Variants in TPTE2 observed in about 807,000 individuals in gnomAD.
TPTE2 encodes the protein transmembrane phosphoinositide 3-phosphatase and tensin homolog 2, also known as phosphatidylinositol 3,4,5-trisphosphate 3-phosphatase TPTE2.
In TPTE2, 53 loss-of-function variants were observed where a neutral mutation model predicts 78.6. The observed-to-expected ratio is 0.67, with a 90% CI of 0.54 to 0.85. The LOEUF (loss-of-function observed/expected upper bound fraction) is 0.85. Ranked by LOEUF, TPTE2 falls within the 40% of genes least tolerant of loss-of-function variation. The probability of loss-of-function intolerance (pLI) is 0.00; values close to 1 mark genes in which losing one functional copy is unlikely to be tolerated. For missense variants in TPTE2, 461 were observed against 623.0 expected, an observed-to-expected ratio of 0.74 and a Z score of 2.77; for synonymous variants, 175 against 206.2, an observed-to-expected ratio of 0.85 and a Z score of 1.30.
At position 19,493,510 on chromosome 13, in the gene TPTE2, T is replaced by C; in HGVS notation, c.12-9A>G. On this transcript the variant is annotated splice_polypyrimidine_tract_variant and intron_variant, in intron 1 of 19. Transcript: ENST00000400230. ...ATTCGTTTGTCTGTGGACTAGCGGA[T>C]GATAAGAGAATACAGTCAGAGAGGA... The C allele has an allele frequency of 6.2e-7, 1 of 1,613,374 alleles. No homozygotes were observed.
At chr13:19,497,941 A>G (rs1299885698) in intron 1 of TPTE2, among the ~76,000 whole-genome samples, 3 of 151,864 alleles carry the variant, frequency 2.0e-5, no homozygotes, top group African/African-American at 7.2e-5. Context: ...TAACCAATAC[A>G]GAGAAGTGCT....
chr13:19,450,188 A>T, intron 12 of TPTE2, 24 bp from the exon 16 acceptor site: 1 of 1,610,560 alleles, frequency 6.2e-7, no homozygotes, highest in Non-Finnish European at 8.5e-7. Flanking sequence ...TAAGATTTTT[A>T]GTTAAAATAT....
chr13:19,436,352 C>T, intron 14 of TPTE2, 46 bp from the exon 18 acceptor site: 7 of 1,532,606 alleles, frequency 4.6e-6, no homozygotes, highest in African/African-American at 2.7e-5. Context: ...TGCACTCTTT[C>T]CTTTCCTATA....
intron 6 of TPTE2, among the ~76,000 whole-genome samples, chr13:19,469,896 T>G (rs1879500137): frequency 6.6e-6 from 1 of 152,200 alleles, no homozygotes; most frequent in South Asian, 2.1e-4. Flanking sequence ...TTTACTGAAT[T>G]TATCAGTTCT....
chr13:19,496,064 C>T (rs1881292695), intron 1 of TPTE2, among the ~76,000 whole-genome samples: 1 of 152,170 alleles, frequency 6.6e-6, no homozygotes, highest in African/African-American at 2.4e-5. Flanking sequence ...GATGGGGTTT[C>T]ACCATGTTGG....
intron 3 of TPTE2, among the ~76,000 whole-genome samples, chr13:19,487,443 ACT>A (rs1039183700): frequency 3.3e-5 from 5 of 151,348 alleles, no homozygotes; most frequent in African/African-American, 1.2e-4. Context: ...GCTCATAGTC[ACT>A]CTGTTGACCT....
chr13:19,548,364 C>G, the TPTE2 span, among the ~76,000 whole-genome samples: 3 of 143,906 alleles, frequency 2.1e-5, no homozygotes, highest in Non-Finnish European at 4.6e-5. Context: ...TAGCACATAC[C>G]TAATAATCTT....
At chr13:19,560,570 T>C in the TPTE2 span, 1 of 1,599,854 alleles carries the variant, frequency 6.3e-7, no homozygotes, top group East Asian at 2.2e-5. Context: ...CAGCTGATGG[T>C]GACCACGATC....
At chr13:19,501,966 C>T (rs1482283763) in intron 1 of TPTE2, among the ~76,000 whole-genome samples, 8 of 150,012 alleles carry the variant, frequency 5.3e-5, no homozygotes, top group African/African-American at 2.0e-4. Flanking sequence ...AAATAAACAA[C>T]CCCATCAAAA....
At chr13:19,534,345 A>G (rs1871075612) in intron 1 of TPTE2, among the ~76,000 whole-genome samples, 2 of 152,212 alleles carry the variant, frequency 1.3e-5, no homozygotes, top group South Asian at 4.1e-4. Context: ...AAGTCAAAGC[A>G]TCATAAGCCC....
chr13:19,462,063 CTGGT>C (rs1878947079), intron 10 of TPTE2, among the ~76,000 whole-genome samples: 1 of 148,100 alleles, frequency 6.8e-6, no homozygotes, highest in African/African-American at 2.5e-5. Flanking sequence ...TCATTTTTTT[CTGGT>C]TGTTTTGTAT....
chr13:19,502,034 AAC>A (rs1868599998), intron 1 of TPTE2, among the ~76,000 whole-genome samples: 1 of 121,232 alleles, frequency 8.2e-6, no homozygotes, highest in East Asian at 2.3e-4. Context: ...GCAGCCAAAA[AAC>A]ACATGAAAAA....
intron 13 of TPTE2, chr13:19,438,496 C>T (rs1202495163): frequency 1.1e-6 from 1 of 941,084 alleles, no homozygotes; most frequent in African/African-American, 1.8e-5. Flanking sequence ...TCATTTAGTA[C>T]ATTAATATAA....
the TPTE2 span, among the ~76,000 whole-genome samples, chr13:19,551,662 C>G: frequency 6.6e-6 from 1 of 151,924 alleles, no homozygotes; most frequent in Non-Finnish European, 1.5e-5. Flanking sequence ...TAAAGTTTTC[C>G]TATAAAAAGC....
chr13:19,446,196 T>A (rs1230832991), intron 13 of TPTE2, among the ~76,000 whole-genome samples: 1 of 152,200 alleles, frequency 6.6e-6, no homozygotes, highest in Non-Finnish European at 1.5e-5. Flanking sequence ...CCAATAAAAA[T>A]CCTAAAAGTG....
At chr13:19,531,421 C>G (rs531052770) in intron 1 of TPTE2, among the ~76,000 whole-genome samples, 378 of 145,514 alleles carry the variant, frequency 2.6e-3, no homozygotes, top group African/African-American at 9.1e-3. Context: ...GTCATTTATC[C>G]TTTTTTTTTT....
chr13:19,552,689 C>T, the TPTE2 span: 1 of 642,104 alleles, frequency 1.6e-6, no homozygotes, highest in African/African-American at 1.9e-5. Context: ...TAGCAAATTC[C>T]ACATCCCAAA....
chr13:19,425,303 T>A (rs1875944738), intron 18 of TPTE2, among the ~76,000 whole-genome samples: 1 of 152,222 alleles, frequency 6.6e-6, no homozygotes, highest in Admixed American at 6.5e-5. Context: ...GTTTAGATAG[T>A]GCCAAACAGA....
chr13:19,555,600 A>G, the TPTE2 span, among the ~76,000 whole-genome samples: 1 of 152,134 alleles, frequency 6.6e-6, no homozygotes, highest in Non-Finnish European at 1.5e-5. Context: ...TATTTTCCTC[A>G]CTAGAGGAAA....
Sources: allele counts gnomAD v4.1 joint callset (sites outside exome capture counted in the v4.1 genomes callset), GRCh38; gene constraint gnomAD v4.1.1; transcripts MANE v1.5; gene names NCBI Gene and HGNC (gene_info 2026-07-23, HGNC 2026-07-21).